The following CALN1 variants were observed in gnomAD, a reference collection of about 807,000 sequenced individuals.
CALN1 encodes calcium-binding protein 8.
In CALN1, 17 loss-of-function variants were observed where a neutral mutation model predicts 30.6. The ratio of observed to expected loss-of-function variants is 0.56; its 90% CI spans 0.38 to 0.83. The LOEUF (loss-of-function observed/expected upper bound fraction) is 0.83, where lower values mean the gene tolerates loss of function less well. CALN1 is among the 40% of genes least tolerant of loss of function. The pLI, the probability that CALN1 is intolerant of heterozygous loss-of-function variation, is 0.00. For synonymous variants in CALN1, 156 were observed against 131.4 expected, an observed-to-expected ratio of 1.19 and a Z score of -1.28; for missense variants, 291 against 354.9, an observed-to-expected ratio of 0.82 and a Z score of 1.45.
chr7:72,171,277 G>T (rs985916789), intron 3 of CALN1, among the ~76,000 whole-genome samples: 1 of 144,080 alleles, frequency 6.9e-6, no homozygotes, highest in Non-Finnish European at 1.5e-5. Flanking sequence ...CAAGGACTTG[G>T]GTATTAACTA....
In CALN1 at chr7:72,102,850, G is replaced by A. The variant is rs377116327; in HGVS notation, c.388+3301C>T. 1.2e-4 allele frequency among the ~76,000 whole-genome samples: 18 copies of A among 152,100 alleles called. No individual in the cohort carries two copies. In the East Asian group the frequency reaches 1.6e-3, roughly 13 times the overall value. ...AGCACTTTGGGAGGCCAAGGCAGGCGGATCACAAGGTCAAGAGATCGAGAC... is the reference window on the plus strand; with the variant it reads ...AGCACTTTGGGAGGCCAAGGCAGGCAGATCACAAGGTCAAGAGATCGAGAC... On this transcript the variant is annotated intron_variant, in intron 4 of 6. Transcript: ENST00000395275.
intron 3 of CALN1, among the ~76,000 whole-genome samples, chr7:72,114,029 T>C (rs901762641): frequency 6.6e-6 from 1 of 150,688 alleles, no homozygotes; most frequent in South Asian, 2.1e-4. Context: ...AGAGATAGAG[T>C]GGATGGTGCT....
chr7:72,471,648 G>A, the CALN1 span, among the ~76,000 whole-genome samples: 28 of 152,242 alleles, frequency 1.8e-4, no homozygotes, highest in Non-Finnish European at 1.0e-4. Context: ...AGCCGCAAGG[G>A]TGATGGGGAG....
chr7:71,877,197 G>A (rs189317512), intron 5 of CALN1, among the ~76,000 whole-genome samples: 1 of 152,150 alleles, frequency 6.6e-6, no homozygotes, highest in Non-Finnish European at 1.5e-5. Flanking sequence ...AATTATAACA[G>A]GGCTAGAAGG....
At chr7:71,947,965 C>T (rs1297074378) in intron 5 of CALN1, among the ~76,000 whole-genome samples, 6 of 150,772 alleles carry the variant, frequency 4.0e-5, no homozygotes, top group African/African-American at 1.5e-4. Flanking sequence ...TGTGGACATG[C>T]TTTTTTCTTC....
intron 1 of CALN1, among the ~76,000 whole-genome samples, chr7:72,406,038 G>A (rs928696150): frequency 3.9e-5 from 6 of 152,158 alleles, no homozygotes; most frequent in African/African-American, 1.2e-4. Context: ...CTCCCCGTAA[G>A]GAACAATCGC....
At chr7:71,821,810 C>G (rs1256032918) in intron 5 of CALN1, among the ~76,000 whole-genome samples, 1 of 131,130 alleles carries the variant, frequency 7.6e-6, no homozygotes, top group Non-Finnish European at 1.6e-5. Flanking sequence ...TTTTTTGAGT[C>G]AGGGTCTCGC....
intron 5 of CALN1, among the ~76,000 whole-genome samples, chr7:71,918,001 G>A (rs1794764022): frequency 1.3e-5 from 2 of 152,190 alleles, no homozygotes; most frequent in Non-Finnish European, 2.9e-5. Flanking sequence ...TCGATGGCAT[G>A]CATTATAAAA....
Position 71,790,133 on chromosome 7 carries a change from AAAG to A in CALN1, c.659-2234_659-2232del, listed in dbSNP as rs1562779306. 7.6e-3 allele frequency among the ~76,000 whole-genome samples: 1,086 copies of A among 141,974 alleles called. 16 individuals carry two copies. The highest frequency in any genetic ancestry group is 0.027 in the African/African-American group (1,025 of 37,798). The allele number at this position is 141,974 out of a possible 152,430, so 93.1% of individuals were successfully genotyped here. On this transcript the variant is annotated intron_variant, in intron 6 of 6. Transcript: ENST00000395275. ...GAGAGAGAGAGAGAGAAGAAAGAAGAAAGAAGAAAGAAAGAAGAAAGAGAAAGA... is the reference window on the plus strand; with the variant it reads ...GAGAGAGAGAGAGAGAAGAAAGAAGAAAGAAAGAAAGAAGAAAGAGAAAGA...
intron 5 of CALN1, among the ~76,000 whole-genome samples, chr7:71,928,899 C>A (rs1795407331): frequency 6.6e-6 from 1 of 151,852 alleles, no homozygotes; most frequent in South Asian, 2.1e-4. Context: ...AAGAAATATT[C>A]TTGATTTTCA....
chr7:72,127,489 A>G (rs1207684750), intron 3 of CALN1, among the ~76,000 whole-genome samples: 1 of 152,188 alleles, frequency 6.6e-6, no homozygotes, highest in Non-Finnish European at 1.5e-5. Context: ...GCCTCTGGCT[A>G]CTGGACTATC....
At chr7:72,171,008 T>C (rs1327631781) in intron 3 of CALN1, among the ~76,000 whole-genome samples, 1 of 151,916 alleles carries the variant, frequency 6.6e-6, no homozygotes, top group Non-Finnish European at 1.5e-5. Context: ...TATACAAAAA[T>C]TAGCTGGGCA....
At chr7:72,138,287 A>AT (rs201085340) in intron 3 of CALN1, among the ~76,000 whole-genome samples, 46 of 149,160 alleles carry the variant, frequency 3.1e-4, no homozygotes, top group Middle Eastern at 7.0e-3. Context: ...TTTATTTTGG[A>AT]TTTTTTTTTT....
intron 1 of CALN1, among the ~76,000 whole-genome samples, chr7:72,409,476 G>A (rs1031145204): frequency 2.0e-5 from 3 of 148,836 alleles, no homozygotes; most frequent in Non-Finnish European, 4.5e-5. Flanking sequence ...CTCTGAGGAA[G>A]GAGGCATATG....
At chr7:72,303,522 A>C (rs1397547479) in intron 2 of CALN1, among the ~76,000 whole-genome samples, 5 of 151,122 alleles carry the variant, frequency 3.3e-5, no homozygotes, top group Non-Finnish European at 7.4e-5. Context: ...GCGCCATTGC[A>C]CTCCAGCCTG....
At chr7:72,060,405 GA>G (rs1803565828) in intron 4 of CALN1, among the ~76,000 whole-genome samples, 1 of 152,144 alleles carries the variant, frequency 6.6e-6, no homozygotes. Context: ...ACATAGGAAT[GA>G]AAAATAGAGT....
chr7:71,958,280 C>T (rs7795661), intron 5 of CALN1, among the ~76,000 whole-genome samples: 149,228 of 152,158 alleles, frequency 0.98, 73,184 homozygotes, highest in Middle Eastern at 1. Context: ...CCAGTATCTA[C>T]TGTTCCCCTC....
intron 2 of CALN1, among the ~76,000 whole-genome samples, chr7:72,294,781 TA>T (rs1798739655): frequency 6.7e-6 from 1 of 148,230 alleles, no homozygotes; most frequent in Non-Finnish European, 1.5e-5. Flanking sequence ...AATAAATAAA[TA>T]CAGATTTTTA....
At chr7:71,888,426 C>T (rs1237935667) in intron 5 of CALN1, among the ~76,000 whole-genome samples, 1 of 132,884 alleles carries the variant, frequency 7.5e-6, no homozygotes, top group East Asian at 2.7e-4. Flanking sequence ...TCCATGAAGC[C>T]ATTATCGAGA....
Sources: gnomAD v4.1 joint callset for allele counts (sites outside exome capture counted in the v4.1 genomes callset) on GRCh38, gnomAD v4.1.1 for gene constraint, MANE v1.5 for transcripts, NCBI Gene and HGNC (gene_info 2026-07-23, HGNC 2026-07-21) for gene names.